TMEM132C: variants seen among roughly 807,000 people sequenced by gnomAD.
The protein encoded by TMEM132C is transmembrane protein 132C.
In TMEM132C, 29 loss-of-function variants were observed where a neutral mutation model predicts 61.4. The observed-to-expected ratio is 0.47, with a 90% CI of 0.35 to 0.64. The LOEUF is 0.64. TMEM132C is among the 30% of genes least tolerant of loss of function. The pLI, the probability that TMEM132C is intolerant of heterozygous loss-of-function variation, is 0.00. For synonymous variants in TMEM132C, 656 were observed against 633.1 expected (o/e 1.04, Z -0.54); for missense variants, 1,408 against 1,476.9 (o/e 0.95, Z 0.76).
At chr12:128,602,776 G>A (rs189456590) in intron 3 of TMEM132C, among the ~76,000 whole-genome samples, 66 of 152,306 alleles carry the variant, frequency 4.3e-4, no homozygotes, top group Admixed American at 1.4e-3. Context: ...GGGCTTTAAC[G>A]TCCTGGGGAT....
intron 2 of TMEM132C, among the ~76,000 whole-genome samples, chr12:128,442,200 G>A (rs566038954): frequency 2.0e-5 from 3 of 152,040 alleles, no homozygotes; most frequent in Admixed American, 6.6e-5. Context: ...GTCATCACTT[G>A]CTCCCTCCCC....
chr12:128,668,268 T>C (rs917322641), intron 4 of TMEM132C, among the ~76,000 whole-genome samples: 1 of 150,338 alleles, frequency 6.7e-6, no homozygotes, highest in Non-Finnish European at 1.5e-5. Flanking sequence ...GAAAAAAGAA[T>C]AGGAATGGTT....
intron 1 of TMEM132C, among the ~76,000 whole-genome samples, chr12:128,387,879 C>G (rs570780835): frequency 5.9e-5 from 9 of 152,304 alleles, no homozygotes; most frequent in African/African-American, 1.4e-4. Flanking sequence ...GCCAGCTGCC[C>G]GTGCAGGCGG....
intron 1 of TMEM132C, among the ~76,000 whole-genome samples, chr12:128,280,054 G>A (rs917290033): frequency 6.6e-6 from 1 of 152,126 alleles, no homozygotes; most frequent in Non-Finnish European, 1.5e-5. Context: ...TTCATTCTGA[G>A]CCAGTCTCTT....
chr12:128,472,360 TTCTGGGTCAGAGACCC>T (rs1217056065), intron 2 of TMEM132C, among the ~76,000 whole-genome samples: 1 of 152,206 alleles, frequency 6.6e-6, no homozygotes, highest in African/African-American at 2.4e-5. Context: ...ATGCTAGCAG[TTCTGGGTCAGAGACCC>T]TCTTCCATGC....
At chr12:128,374,778 C>G (rs7139351) in intron 1 of TMEM132C, among the ~76,000 whole-genome samples, 141,364 of 151,904 alleles carry the variant, frequency 0.93, 66,668 homozygotes, top group East Asian at 1. Flanking sequence ...AAATTAGCCA[C>G]GTGCGGTGGC....
At chr12:128,323,263 A>T (rs1872394608) in intron 1 of TMEM132C, among the ~76,000 whole-genome samples, 1 of 152,204 alleles carries the variant, frequency 6.6e-6, no homozygotes, top group African/African-American at 2.4e-5. Flanking sequence ...AAAGCAGCTT[A>T]GTTTCCTGAG....
At chr12:128,425,918 A>G (rs1350286929) in intron 2 of TMEM132C, among the ~76,000 whole-genome samples, 1 of 152,172 alleles carries the variant, frequency 6.6e-6, no homozygotes, top group Non-Finnish European at 1.5e-5. Context: ...TCTGCAAAGG[A>G]CCTGTTTCCA....
intron 4 of TMEM132C, among the ~76,000 whole-genome samples, chr12:128,644,884 G>A (rs1593131623): frequency 6.6e-6 from 1 of 152,160 alleles, no homozygotes; most frequent in Admixed American, 6.5e-5. Flanking sequence ...GCTGGGACGC[G>A]TTGTGCTGCC....
intron 3 of TMEM132C, among the ~76,000 whole-genome samples, chr12:128,579,849 A>G (rs901508934): frequency 6.6e-6 from 1 of 152,230 alleles, no homozygotes; most frequent in Admixed American, 6.5e-5. Flanking sequence ...ACTTTGCTGT[A>G]TGAATCCAGA....
intron 1 of TMEM132C, among the ~76,000 whole-genome samples, chr12:128,315,448 C>A (rs1011487590): frequency 1.3e-5 from 2 of 151,874 alleles, no homozygotes; most frequent in African/African-American, 2.4e-5. Flanking sequence ...GGAAGAAAAC[C>A]GCGCCATTTC....
At chr12:128,608,088 A>G (rs1173769199) in intron 3 of TMEM132C, among the ~76,000 whole-genome samples, 1 of 152,218 alleles carries the variant, frequency 6.6e-6, no homozygotes, top group Non-Finnish European at 1.5e-5. Context: ...ACCGTCAGCA[A>G]ATCTTAGGAC....
intron 4 of TMEM132C, among the ~76,000 whole-genome samples, chr12:128,659,728 C>T (rs34785070): frequency 0.16 from 23,896 of 152,122 alleles, 2,024 homozygotes; most frequent in Middle Eastern, 0.23. Context: ...TGATTGAAGA[C>T]GGATTGGATA....
At chr12:128,483,074 T>C (rs1871365168) in intron 2 of TMEM132C, among the ~76,000 whole-genome samples, 1 of 151,240 alleles carries the variant, frequency 6.6e-6, no homozygotes, top group Non-Finnish European at 1.5e-5. Context: ...CTGGGCAATA[T>C]AGCAAGACCC....
At chr12:128,368,749 T>C (rs769267926) in intron 1 of TMEM132C, among the ~76,000 whole-genome samples, 1 of 152,178 alleles carries the variant, frequency 6.6e-6, no homozygotes, top group Non-Finnish European at 1.5e-5. Flanking sequence ...GGTAACTGTT[T>C]TATGTTTTTT....
chr12:128,430,518 CTT>C (rs1488629767), intron 2 of TMEM132C, among the ~76,000 whole-genome samples: 1 of 152,144 alleles, frequency 6.6e-6, no homozygotes, highest in Non-Finnish European at 1.5e-5. Flanking sequence ...AGCCAACAAA[CTT>C]ATAATTATAC....
chr12:128,611,328 C>T (rs755614716), intron 3 of TMEM132C, among the ~76,000 whole-genome samples: 11 of 152,044 alleles, frequency 7.2e-5, no homozygotes, highest in Admixed American at 1.3e-4. Context: ...TTTTTTCCTT[C>T]CTTCTCTCCT....
intron 2 of TMEM132C, among the ~76,000 whole-genome samples, chr12:128,509,746 G>A (rs1366388750): frequency 6.6e-6 from 1 of 152,158 alleles, no homozygotes; most frequent in Admixed American, 6.5e-5. Context: ...GACCTCTGCA[G>A]AGGGAACAAG....
At position 128,415,739 on chromosome 12, in the gene TMEM132C, G is replaced by T; in HGVS notation, c.974+119G>T. 2.4e-6 allele frequency: 3 copies of T among 1,232,950 alleles called. No individual in the cohort carries two copies. Among genetic ancestry groups the T allele is most frequent in the Non-Finnish European group, 2.2e-6 (2 of 912,856 alleles). The allele number at this position is 1,232,950 out of a possible 1,614,324, so 76.4% of individuals were successfully genotyped here. A position where few individuals can be genotyped will look rare whatever the true frequency, so the allele number is the denominator to read the frequency against. On this transcript the variant is annotated intron_variant, in intron 2 of 8. Transcript: ENST00000435159. This position sits in a 1 kb window ranked among gnomAD's most constrained non-coding sequence, Gnocchi z 5.8. Reference sequence around the variant, plus strand: ...TTTCACTACCTTCAGGGACCGTTTGGCATTAACAGGGGAAGGCAAATTATG... The same window carrying T: ...TTTCACTACCTTCAGGGACCGTTTGTCATTAACAGGGGAAGGCAAATTATG...
Sources: gnomAD v4.1 joint callset for allele counts (sites outside exome capture counted in the v4.1 genomes callset) on GRCh38, gnomAD v4.1.1 for gene constraint, Gnocchi (gnomAD v3.1) non-coding constraint, MANE v1.5 for transcripts, NCBI Gene and HGNC (gene_info 2026-07-23, HGNC 2026-07-21) for gene names.